The following SPATA21 variants were observed in gnomAD, a reference collection of about 807,000 sequenced individuals.
The protein encoded by SPATA21 is spermatogenesis associated 21, also known as spermatogenesis-associated protein 21.
Under a neutral mutation model 54.8 loss-of-function variants are expected in SPATA21, and 47 were observed. That is an observed-to-expected ratio of 0.86 (90% CI 0.68 to 1.09). The LOEUF (loss-of-function observed/expected upper bound fraction) is 1.09. SPATA21 is among the 50% of genes least tolerant of loss of function. The pLI is 0.00. For synonymous variants in SPATA21, 245 were observed against 235.3 expected (o/e 1.04, Z -0.38); for missense variants, 599 against 596.4 (o/e 1.00, Z -0.05).
intron 2 of SPATA21, among the ~76,000 whole-genome samples, chr1:16,431,898 G>T: frequency 6.6e-6 from 1 of 152,026 alleles, no homozygotes; most frequent in East Asian, 1.9e-4. Context: ...ATACTAATGT[G>T]CCTTTTAAAG....
At position 16,428,001 on chromosome 1, in the gene SPATA21, A is replaced by G; in HGVS notation, c.34+3337T>C. The G allele has an allele frequency of 6.5e-7, 1 of 1,549,080 alleles. No homozygotes were observed. Among genetic ancestry groups the G allele is most frequent in the East Asian group, 2.5e-5 (1 of 40,662 alleles). On this transcript the variant is annotated intron_variant, in intron 3 of 12. Coordinates refer to ENST00000335496, the MANE Select transcript of SPATA21 (RefSeq NM_198546.1). This position sits in a 1 kb window ranked among gnomAD's most constrained non-coding sequence, Gnocchi z 4.3. ...GCTTCTTGCTGCCCACTTCCGAAGCATCCGGAAACATGACCTGGACAGAGA... is the reference window on the plus strand; with the variant it reads ...GCTTCTTGCTGCCCACTTCCGAAGCGTCCGGAAACATGACCTGGACAGAGA...
In SPATA21 at chr1:16,428,079, C is replaced by A. The variant is rs1258410405; in HGVS notation, c.34+3259G>T. On this transcript the variant is annotated intron_variant, in intron 3 of 12. Coordinates refer to ENST00000335496, the MANE Select transcript of SPATA21 (RefSeq NM_198546.1). The surrounding 1 kb of genome is among the most constrained non-coding windows in gnomAD (Gnocchi z 4.3). Reference sequence around the variant, plus strand: ...CATTGAGTACCCGTTCTGGAGTGATCCCTCCCACTCCTCCCTGGGTACTCT... The same window carrying A: ...CATTGAGTACCCGTTCTGGAGTGATACCTCCCACTCCTCCCTGGGTACTCT... The A allele has an allele frequency of 6.7e-7, 1 of 1,495,574 alleles. No individual in the cohort carries two copies. Among genetic ancestry groups the A allele is most frequent in the East Asian group, 2.5e-5 (1 of 39,234 alleles). The allele number at this position is 1,495,574 out of a possible 1,614,324, so 92.6% of individuals were successfully genotyped here.
At chr1:16,414,088 CAG>C (rs2085930876) in intron 5 of SPATA21, among the ~76,000 whole-genome samples, 1 of 151,414 alleles carries the variant, frequency 6.6e-6, no homozygotes, top group Non-Finnish European at 1.5e-5. Flanking sequence ...TTTTTTGGGA[CAG>C]AGTCTCGCTC....
At chr1:16,424,230 A>T (rs373100113) in intron 3 of SPATA21, among the ~76,000 whole-genome samples, 31 of 6,304 alleles carry the variant, frequency 4.9e-3, no homozygotes, top group African/African-American at 6.2e-3. Context: ...GGAGAATGGC[A>T]TGAACCTGGG....
intron 5 of SPATA21, among the ~76,000 whole-genome samples, chr1:16,417,575 C>A (rs1266475408): frequency 6.6e-6 from 1 of 152,006 alleles, no homozygotes; most frequent in East Asian, 1.9e-4. Flanking sequence ...TTACAGGCAC[C>A]TGCCACCACG....
intron 5 of SPATA21, among the ~76,000 whole-genome samples, chr1:16,415,210 G>A (rs187787192): frequency 1.8e-4 from 27 of 152,264 alleles, no homozygotes; most frequent in African/African-American, 6.0e-4. Context: ...GATGGCTCGC[G>A]CCTGTACTAT....
At chr1:16,435,250 T>C (rs2086556781) in intron 1 of SPATA21, among the ~76,000 whole-genome samples, 1 of 152,182 alleles carries the variant, frequency 6.6e-6, no homozygotes, top group African/African-American at 2.4e-5. Context: ...TGGCCGATAA[T>C]GTTGGACATC....
chr1:16,399,550 T>C lies in SPATA21; in HGVS notation c.1175-29A>G, dbSNP rs776305501. The C allele has an allele frequency of 6.9e-6, 11 of 1,605,456 alleles. No individual in the cohort carries two copies. In the East Asian group the frequency reaches 2.2e-4, roughly 33 times the overall value. On this transcript the variant is annotated intron_variant, in intron 11 of 12. Transcript: ENST00000335496. Reference sequence around the variant, plus strand: ...GTGAAGAAGGAGGCAGAAGGAGGAATGCTTCACAGCATGCCCAGCCTTGGG... The same window carrying C: ...GTGAAGAAGGAGGCAGAAGGAGGAACGCTTCACAGCATGCCCAGCCTTGGG...
At chr1:16,408,987 C>T (rs549432697) in intron 7 of SPATA21, 131 bp downstream of exon 7, 1 of 919,812 alleles carries the variant, frequency 1.1e-6, no homozygotes, top group Admixed American at 2.4e-5. Flanking sequence ...GCAGAAAACC[C>T]CTGCTGGGTC....
At chr1:16,398,881 G>T in intron 12 of SPATA21, 59 bp from the exon 13 acceptor site, 1 of 1,548,786 alleles carries the variant, frequency 6.5e-7, no homozygotes, top group Non-Finnish European at 8.8e-7. Context: ...CTATCTGCCA[G>T]TATATGAGCC....
chr1:16,399,123 A>G (rs1266765431), intron 12 of SPATA21, among the ~76,000 whole-genome samples: 4 of 152,354 alleles, frequency 2.6e-5, no homozygotes, highest in Non-Finnish European at 5.9e-5. Flanking sequence ...TCCTGGACAC[A>G]GGAAAGCAGA....
Position 16,409,100 on chromosome 1 carries a change from T to C in SPATA21, c.673+18A>G. The C allele has an allele frequency of 6.2e-7, 1 of 1,613,514 alleles. No individual in the cohort carries two copies. The highest frequency in any genetic ancestry group is 1.1e-5 in the South Asian group (1 of 91,070). On this transcript the variant is annotated intron_variant, in intron 7 of 12. Transcript: ENST00000335496. The surrounding 1 kb of genome is among the most constrained non-coding windows in gnomAD (Gnocchi z 4.1). ...GGTCCTGCCTGTGCTGGGACCTCCC[T>C]GACCTCCCTGCCCTCACCTTCCTCT...
intron 5 of SPATA21, among the ~76,000 whole-genome samples, chr1:16,414,520 T>A (rs183844902): frequency 1.4e-3 from 219 of 152,334 alleles, no homozygotes; most frequent in African/African-American, 5.0e-3. Context: ...TATTTCAGTT[T>A]TCTCAGTGAT....
At position 16,403,477 on chromosome 1, in the gene SPATA21, T is replaced by TTTTTTC. The variant is rs1157617828; in HGVS notation, c.1001+244_1001+249dup. Among the ~76,000 whole-genome samples, 506 of 133,194 alleles carry TTTTTTC rather than the reference T, an allele frequency of 3.8e-3. 8 individuals are homozygous for TTTTTTC. The highest frequency in any genetic ancestry group is 0.013 in the African/African-American group (484 of 38,500). The allele number at this position is 133,194 out of a possible 152,430, so 87.4% of individuals were successfully genotyped here. ...TTGCTTAAGCTAGTTTTATTCTAGT[T>TTTTTTC]TTTTTCTTTTTTTTCTTTTTTTTTT... is the stretch of plus-strand genomic sequence containing the variant. On this transcript the variant is annotated intron_variant, in intron 10 of 12. Coordinates refer to ENST00000335496, the MANE Select transcript of SPATA21 (RefSeq NM_198546.1).
chr1:16,399,303 C>T (rs148504029), intron 12 of SPATA21, 41 bp downstream of exon 12: 1 of 1,550,628 alleles, frequency 6.4e-7, no homozygotes, highest in East Asian at 2.3e-5. Context: ...AAGGAAGAAT[C>T]TGGAAGGGCC....
chr1:16,436,778 T>C (rs1364607133), intron 1 of SPATA21, among the ~76,000 whole-genome samples: 2 of 143,734 alleles, frequency 1.4e-5, no homozygotes, highest in African/African-American at 5.6e-5. Context: ...AAAAAATTAC[T>C]AATGTAAACA....
intron 10 of SPATA21, among the ~76,000 whole-genome samples, chr1:16,401,346 G>A (rs2085441548): frequency 6.6e-6 from 1 of 152,208 alleles, no homozygotes; most frequent in African/African-American, 2.4e-5. Context: ...CCAGGCAGGA[G>A]TGCAGTGGCG....
chr1:16,406,122 T>TC (rs1175784897), intron 7 of SPATA21, among the ~76,000 whole-genome samples: 1 of 151,810 alleles, frequency 6.6e-6, no homozygotes, highest in Non-Finnish European at 1.5e-5. Context: ...TTTTTTCTTT[T>TC]CTTTTTTTTT....
intron 3 of SPATA21, chr1:16,425,349 T>C (rs374193135): frequency 3.6e-5 from 25 of 690,122 alleles, no homozygotes; most frequent in African/African-American, 1.9e-4. Context: ...GGCCTGAACA[T>C]AGCTCATTGT....
Sources: gnomAD v4.1 joint callset for allele counts (sites outside exome capture counted in the v4.1 genomes callset) on GRCh38, gnomAD v4.1.1 for gene constraint, Gnocchi (gnomAD v3.1) non-coding constraint, MANE v1.5 for transcripts, NCBI Gene and HGNC (gene_info 2026-07-23, HGNC 2026-07-21) for gene names.